The following NCAM2 variants were observed in gnomAD, a reference collection of about 807,000 sequenced individuals.
The protein encoded by NCAM2 is neural cell adhesion molecule 2.
In NCAM2, 30 loss-of-function variants were observed where a neutral mutation model predicts 98.1. That is an observed-to-expected ratio of 0.31 (90% CI 0.23 to 0.41). The LOEUF is 0.41. Among genes scored for constraint, NCAM2 ranks in the 10% least tolerant of loss-of-function variants. The pLI, the probability that NCAM2 is intolerant of heterozygous loss-of-function variation, is 1.00. For missense variants in NCAM2, 867 were observed against 1,005.8 expected, an observed-to-expected ratio of 0.86 and a Z score of 1.87; for synonymous variants, 368 against 342.4, an observed-to-expected ratio of 1.07 and a Z score of -0.83.
intron 1 of NCAM2, among the ~76,000 whole-genome samples, chr21:21,278,255 C>T (rs2072803290): frequency 6.6e-6 from 1 of 151,902 alleles, no homozygotes; most frequent in African/African-American, 2.4e-5. Flanking sequence ...AAATCCATGC[C>T]CTACTGCCCA....
intron 16 of NCAM2, among the ~76,000 whole-genome samples, chr21:21,530,614 C>CA: frequency 6.6e-6 from 1 of 151,374 alleles, no homozygotes; most frequent in African/African-American, 2.4e-5. Flanking sequence ...TAAATTTTAG[C>CA]AAATTTATGT....
intron 1 of NCAM2, among the ~76,000 whole-genome samples, chr21:21,162,317 C>A (rs958030362): frequency 6.7e-6 from 1 of 150,288 alleles, no homozygotes; most frequent in Non-Finnish European, 1.5e-5. Flanking sequence ...ACAACTCTAC[C>A]GGCAAGTTAA....
chr21:21,339,762 C>A (rs1347115520), intron 8 of NCAM2, among the ~76,000 whole-genome samples: 2 of 151,768 alleles, frequency 1.3e-5, no homozygotes, highest in Non-Finnish European at 2.9e-5. Context: ...CATGCTAAAC[C>A]CATAAATTCA....
chr21:21,348,216 A>G (rs894755516), intron 8 of NCAM2, among the ~76,000 whole-genome samples: 1 of 152,186 alleles, frequency 6.6e-6, no homozygotes, highest in Non-Finnish European at 1.5e-5. Context: ...GGAAAAACCT[A>G]GAGACTTCAC....
chr21:21,297,132 A>T (rs1266392994), intron 5 of NCAM2, among the ~76,000 whole-genome samples: 1 of 151,778 alleles, frequency 6.6e-6, no homozygotes, highest in Non-Finnish European at 1.5e-5. Context: ...TTGAGGCTTT[A>T]GGACAATATT....
At chr21:21,206,557 A>G (rs1054083357) in intron 1 of NCAM2, among the ~76,000 whole-genome samples, 1 of 152,136 alleles carries the variant, frequency 6.6e-6, no homozygotes, top group African/African-American at 2.4e-5. Flanking sequence ...ACCACCCGCA[A>G]TAAATTCATG....
chr21:21,033,069 C>G (rs1038315199), intron 1 of NCAM2, among the ~76,000 whole-genome samples: 1 of 151,988 alleles, frequency 6.6e-6, no homozygotes, highest in Non-Finnish European at 1.5e-5. Context: ...CTCTGCCTCC[C>G]AAGTAGCTGT....
chr21:21,365,245 G>A (rs962669366), intron 8 of NCAM2, among the ~76,000 whole-genome samples: 2 of 22,688 alleles, frequency 8.8e-5, no homozygotes, highest in African/African-American at 1.2e-4. Flanking sequence ...GTGCGTGTGT[G>A]TGTGTGTGTG....
At chr21:21,532,955 C>T (rs2146424165) in intron 16 of NCAM2, among the ~76,000 whole-genome samples, 1 of 152,130 alleles carries the variant, frequency 6.6e-6, no homozygotes, top group Non-Finnish European at 1.5e-5. Context: ...AGTTTATTCA[C>T]TTCTAGATTT....
chr21:21,354,865 CTG>C (rs1179493593), intron 8 of NCAM2, among the ~76,000 whole-genome samples: 1 of 152,074 alleles, frequency 6.6e-6, no homozygotes, highest in Admixed American at 6.6e-5. Flanking sequence ...GACCAATAAA[CTG>C]AATAAATAAA....
intron 1 of NCAM2, among the ~76,000 whole-genome samples, chr21:21,214,741 A>ATG (rs2069811890): frequency 9.6e-6 from 1 of 103,754 alleles, no homozygotes; most frequent in South Asian, 3.0e-4. Flanking sequence ...ATATATATAT[A>ATG]TATATACACT....
At chr21:21,018,146 A>G (rs1432597290) in intron 1 of NCAM2, among the ~76,000 whole-genome samples, 1 of 152,222 alleles carries the variant, frequency 6.6e-6, no homozygotes, top group Non-Finnish European at 1.5e-5. Flanking sequence ...CCAGTGTTTA[A>G]TTTCTCAAGA....
chr21:21,064,370 C>T (rs2065388578), intron 1 of NCAM2, among the ~76,000 whole-genome samples: 1 of 152,194 alleles, frequency 6.6e-6, no homozygotes, highest in Admixed American at 6.5e-5. Flanking sequence ...ATGGAATGTG[C>T]TGGGCAGAAG....
intron 8 of NCAM2, among the ~76,000 whole-genome samples, chr21:21,364,983 G>A (rs967651413): frequency 3.3e-5 from 5 of 152,232 alleles, no homozygotes; most frequent in African/African-American, 1.2e-4. Flanking sequence ...TGTGATGTAA[G>A]CTCCATTATT....
At chr21:21,074,366 TATTG>T (rs1358373918) in intron 1 of NCAM2, among the ~76,000 whole-genome samples, 17 of 152,106 alleles carry the variant, frequency 1.1e-4, no homozygotes, top group African/African-American at 3.6e-4. Flanking sequence ...TTATTACATT[TATTG>T]ATTAACATTT....
At chr21:21,495,419 G>A (rs1877999637) in intron 15 of NCAM2, among the ~76,000 whole-genome samples, 1 of 151,940 alleles carries the variant, frequency 6.6e-6, no homozygotes, top group Admixed American at 6.6e-5. Context: ...AGGGAAGACT[G>A]GACAGACATT....
intron 1 of NCAM2, among the ~76,000 whole-genome samples, chr21:21,184,265 A>T (rs1226457329): frequency 6.6e-6 from 1 of 152,048 alleles, no homozygotes; most frequent in East Asian, 1.9e-4. Context: ...GGGAAATGCT[A>T]GTGACTTCAC....
intron 5 of NCAM2, among the ~76,000 whole-genome samples, chr21:21,320,088 T>C (rs2074335323): frequency 6.6e-6 from 1 of 152,186 alleles, no homozygotes; most frequent in South Asian, 2.1e-4. Flanking sequence ...TAGAAGTCAG[T>C]ACTCAGTACC....
At chr21:21,173,085 G>A (rs2068174292) in intron 1 of NCAM2, among the ~76,000 whole-genome samples, 1 of 152,118 alleles carries the variant, frequency 6.6e-6, no homozygotes, top group Non-Finnish European at 1.5e-5. Context: ...AATAATTAAT[G>A]TAACATTATG....
Sources: gnomAD v4.1 joint callset for allele counts (sites outside exome capture counted in the v4.1 genomes callset) on GRCh38, gnomAD v4.1.1 for gene constraint, MANE v1.5 for transcripts, NCBI Gene and HGNC (gene_info 2026-07-23, HGNC 2026-07-21) for gene names.